The following RIPOR3 variants were observed in gnomAD, a reference collection of about 807,000 sequenced individuals.
RIPOR3 encodes the protein RIPOR family member 3.
Under a neutral mutation model 114.3 loss-of-function variants are expected in RIPOR3, and 95 were observed. The observed-to-expected ratio is 0.83, with a 90% CI of 0.70 to 0.99. RIPOR3 has a LOEUF of 0.99. Ranked by LOEUF, RIPOR3 falls within the 50% of genes least tolerant of loss-of-function variation. The pLI is 0.00. For missense variants in RIPOR3, 1,252 were observed against 1,266.9 expected, an observed-to-expected ratio of 0.99 and a Z score of 0.18; for synonymous variants, 575 against 543.8, an observed-to-expected ratio of 1.06 and a Z score of -0.80.
At chr20:50,610,105 T>TGCCTCACCTGCCACCCCG (rs1208651035) in intron 6 of RIPOR3, among the ~76,000 whole-genome samples, 15 of 76,336 alleles carry the variant, frequency 2.0e-4, no homozygotes, top group South Asian at 9.2e-4. Context: ...CTGCCACCCC[T>TGCCTCACCTGCCACCCCG]GCCTCACCTG....
At position 50,592,341 on chromosome 20, in the gene RIPOR3, T is replaced by C. The variant is rs749397820; in HGVS notation, c.2577+3A>G. On this transcript the variant is annotated splice_donor_region_variant and intron_variant, in intron 19 of 21. Transcript: ENST00000327979. ...GGTCTGCCACCTGCCCTGGACAACG[T>C]ACCTTTTCCCGGAAGCTTCTGTTCC... is the stretch of plus-strand genomic sequence containing the variant. 1 of 1,566,578 alleles carries C rather than the reference T, an allele frequency of 6.4e-7. No homozygotes were observed. Among genetic ancestry groups the C allele is most frequent in the South Asian group, 1.2e-5 (1 of 85,892 alleles).
At chr20:50,649,613 C>A (rs1214091283) in intron 1 of RIPOR3, among the ~76,000 whole-genome samples, 1 of 151,186 alleles carries the variant, frequency 6.6e-6, no homozygotes, top group Non-Finnish European at 1.5e-5. Flanking sequence ...AGGGACTGGG[C>A]CCTTCCTGCC....
chr20:50,676,125 G>A (rs998506492), intron 1 of RIPOR3, among the ~76,000 whole-genome samples: 6 of 152,150 alleles, frequency 3.9e-5, no homozygotes, highest in Non-Finnish European at 8.8e-5. Flanking sequence ...GAGTTCCTTC[G>A]CCTTTTGTCC....
chr20:50,627,740 T>C (rs2123225401), intron 2 of RIPOR3, among the ~76,000 whole-genome samples: 1 of 152,034 alleles, frequency 6.6e-6, no homozygotes, highest in South Asian at 2.1e-4. Flanking sequence ...AGGAGGTCAA[T>C]GCTGCAGTGA....
intron 3 of RIPOR3, among the ~76,000 whole-genome samples, chr20:50,619,462 T>C (rs940820906): frequency 1.3e-5 from 2 of 150,656 alleles, no homozygotes; most frequent in Non-Finnish European, 2.9e-5. Flanking sequence ...AAAAAAAAAT[T>C]TGTGGAGTGA....
chr20:50,597,581 G>C lies in RIPOR3; in HGVS notation c.1789C>G (p.Arg597Gly). The C allele has an allele frequency of 6.2e-7, 1 of 1,603,694 alleles. No homozygotes were observed. The highest frequency in any genetic ancestry group is 8.5e-7 in the Non-Finnish European group (1 of 1,175,272). The change falls in exon 14 of 22, where the codon CGA becomes GGA. Residue 597 changes from arginine (R) to glycine (G), a missense_variant and splice_region_variant. By Grantham distance (125) the Arg-to-Gly change is moderately radical. Transcript: ENST00000327979. Reference sequence around the variant, plus strand: ...ACTGCTGGAAGGAGGTGCACTCACCGGAGACCCTGGGAGCCCCCAAACAGG... The same window carrying C: ...ACTGCTGGAAGGAGGTGCACTCACCCGAGACCCTGGGAGCCCCCAAACAGG... Reference protein sequence around the residue: ...LSLFGGSQGLRKDRPLPPPSS... With the variant: ...LSLFGGSQGLGKDRPLPPPSS...
At chr20:50,600,975 G>A (rs988559694) in intron 13 of RIPOR3, among the ~76,000 whole-genome samples, 3 of 152,322 alleles carry the variant, frequency 2.0e-5, no homozygotes, top group Non-Finnish European at 4.4e-5. Context: ...TTTGAAGAGA[G>A]CTGTTAACTA....
At chr20:50,682,533 AG>A (rs938702276) in intron 1 of RIPOR3, among the ~76,000 whole-genome samples, 2 of 151,540 alleles carry the variant, frequency 1.3e-5, no homozygotes, top group Non-Finnish European at 2.9e-5. Flanking sequence ...CCTGAGCCCA[AG>A]AAGTCAAGGC....
chr20:50,636,796 T>C (rs2085005076), intron 1 of RIPOR3: 2 of 985,410 alleles, frequency 2.0e-6, no homozygotes, highest in South Asian at 9.4e-5. Context: ...CGCTCACTGC[T>C]GGCCAAAGCT....
At chr20:50,588,059 G>T (rs1004645360) in intron 20 of RIPOR3, among the ~76,000 whole-genome samples, 167 bp from the exon 21 acceptor site, 2 of 152,194 alleles carry the variant, frequency 1.3e-5, no homozygotes, top group African/African-American at 4.8e-5. Context: ...TTCATGAGAG[G>T]CACCTCTGGA....
intron 1 of RIPOR3, among the ~76,000 whole-genome samples, chr20:50,665,371 T>A (rs2123477830): frequency 6.7e-6 from 1 of 148,686 alleles, no homozygotes; most frequent in African/African-American, 2.5e-5. Context: ...TGCTGGAGCC[T>A]AGGCCTGTCT....
At chr20:50,606,190 A>T (rs2083707874) in intron 11 of RIPOR3, among the ~76,000 whole-genome samples, 1 of 152,232 alleles carries the variant, frequency 6.6e-6, no homozygotes, top group Non-Finnish European at 1.5e-5. Flanking sequence ...TGGGCGACAG[A>T]GCGAGACTCT....
chr20:50,600,197 C>G (rs1333184103), intron 13 of RIPOR3, among the ~76,000 whole-genome samples: 1 of 152,186 alleles, frequency 6.6e-6, no homozygotes, highest in Non-Finnish European at 1.5e-5. Flanking sequence ...GCCACTGCGC[C>G]CACCATCATA....
intron 1 of RIPOR3, among the ~76,000 whole-genome samples, chr20:50,690,314 T>G (rs919131829): frequency 1.3e-5 from 2 of 152,164 alleles, no homozygotes; most frequent in African/African-American, 4.8e-5. Flanking sequence ...ATATTAACCC[T>G]CTTCTCTCAT....
chr20:50,661,378 CAT>C (rs2085991629), intron 1 of RIPOR3, among the ~76,000 whole-genome samples: 1 of 152,140 alleles, frequency 6.6e-6, no homozygotes, highest in Non-Finnish European at 1.5e-5. Flanking sequence ...CCCAGCCTAA[CAT>C]GTTTTTAATA....
intron 12 of RIPOR3, among the ~76,000 whole-genome samples, chr20:50,603,450 G>A (rs981754664): frequency 6.6e-6 from 1 of 152,134 alleles, no homozygotes; most frequent in African/African-American, 2.4e-5. Context: ...TGTTGGCCAG[G>A]CTGGTCTCAA....
At chr20:50,666,212 C>CTTTTCTTTTCTTTTCTTTTCTT in intron 1 of RIPOR3, among the ~76,000 whole-genome samples, 1 of 108,460 alleles carries the variant, frequency 9.2e-6, no homozygotes, top group South Asian at 2.9e-4. Flanking sequence ...CTTTTCTTTT[C>CTTTTCTTTTCTTTTCTTTTCTT]TTTTCTTTTC....
At chr20:50,682,757 C>T (rs1431428331) in intron 1 of RIPOR3, among the ~76,000 whole-genome samples, 2 of 145,228 alleles carry the variant, frequency 1.4e-5, no homozygotes, top group South Asian at 2.2e-4. Context: ...GACGGAGTTT[C>T]GCACTCATCG....
At chr20:50,687,470 T>G (rs1324113139) in intron 1 of RIPOR3, among the ~76,000 whole-genome samples, 1 of 152,254 alleles carries the variant, frequency 6.6e-6, no homozygotes, top group Admixed American at 6.5e-5. Context: ...CCATAGATGC[T>G]GTGGAACCAG....
Sources: allele counts gnomAD v4.1 joint callset (sites outside exome capture counted in the v4.1 genomes callset), GRCh38; gene constraint gnomAD v4.1.1; transcripts MANE v1.5; gene names NCBI Gene and HGNC (gene_info 2026-07-23, HGNC 2026-07-21).